AGBL1: variants seen among roughly 807,000 people sequenced by gnomAD.
The protein encoded by AGBL1 is cytosolic carboxypeptidase 4.
Under a neutral mutation model 118.9 loss-of-function variants are expected in AGBL1, and 130 were observed. That is an observed-to-expected ratio of 1.09 (90% CI 0.95 to 1.26). AGBL1 has a LOEUF of 1.26. AGBL1 is among the 50% of genes most tolerant of loss of function. The pLI, the probability that AGBL1 is intolerant of heterozygous loss-of-function variation, is 0.00. For synonymous variants in AGBL1, 555 were observed against 478.9 expected (o/e 1.16, Z -2.08); for missense variants, 1,584 against 1,298.1 (o/e 1.22, Z -3.38).
intron 17 of AGBL1, among the ~76,000 whole-genome samples, chr15:86,337,961 T>C (rs1192838521): frequency 1.3e-5 from 2 of 152,212 alleles, no homozygotes; most frequent in South Asian, 2.1e-4. Flanking sequence ...GTCTGGTATA[T>C]GCCAGACACT....
intron 22 of AGBL1, among the ~76,000 whole-genome samples, chr15:86,702,818 C>CT (rs954321597): frequency 4.0e-5 from 6 of 150,674 alleles, no homozygotes; most frequent in South Asian, 2.1e-4. Context: ...CTTAGCTTCC[C>CT]TTTTTTTTTC....
At chr15:86,845,791 T>C (rs1294906450) in intron 22 of AGBL1, among the ~76,000 whole-genome samples, 8 of 152,232 alleles carry the variant, frequency 5.3e-5, no homozygotes, top group Admixed American at 5.2e-4. Context: ...TCTTCATGAA[T>C]CCATTTTGGT....
intron 7 of AGBL1, among the ~76,000 whole-genome samples, chr15:86,255,019 C>G (rs1056591721): frequency 6.6e-6 from 1 of 152,138 alleles, no homozygotes. Flanking sequence ...TTGAACTTGC[C>G]TTCATCCTTT....
intron 22 of AGBL1, among the ~76,000 whole-genome samples, chr15:86,692,863 G>A (rs573945795): frequency 2.6e-5 from 4 of 152,154 alleles, no homozygotes; most frequent in South Asian, 2.1e-4. Context: ...ACAATGTTTG[G>A]TTTTCCATTC....
chr15:86,158,844 C>T (rs1312653487), intron 4 of AGBL1, 89 bp from the exon 5 acceptor site: 11 of 1,143,894 alleles, frequency 9.6e-6, no homozygotes, highest in East Asian at 4.9e-5. Flanking sequence ...CAAGTTGCCC[C>T]TTAAAGATTT....
intron 17 of AGBL1, among the ~76,000 whole-genome samples, chr15:86,330,249 T>C (rs1293725707): frequency 2.0e-5 from 3 of 152,216 alleles, no homozygotes; most frequent in Non-Finnish European, 2.9e-5. Context: ...CCCAGCTGCA[T>C]TGGCCACAGC....
intron 21 of AGBL1, among the ~76,000 whole-genome samples, chr15:86,605,105 T>C (rs1317113481): frequency 6.6e-6 from 1 of 152,146 alleles, no homozygotes; most frequent in Admixed American, 6.6e-5. Flanking sequence ...CACCTTTCTT[T>C]CATATGTGGT....
intron 22 of AGBL1, among the ~76,000 whole-genome samples, chr15:86,834,544 T>G (rs1382413789): frequency 1.3e-5 from 2 of 152,210 alleles, no homozygotes; most frequent in Non-Finnish European, 2.9e-5. Context: ...ACCTCTGTAT[T>G]GTGAGAGGCT....
intron 22 of AGBL1, among the ~76,000 whole-genome samples, chr15:86,829,346 G>C (rs915815705): frequency 1.3e-5 from 2 of 152,172 alleles, no homozygotes; most frequent in Non-Finnish European, 2.9e-5. Context: ...CTGATAAAGA[G>C]AAGCCTCTGC....
intron 5 of AGBL1, among the ~76,000 whole-genome samples, chr15:86,209,793 T>TG (rs1177531234): frequency 6.6e-6 from 1 of 152,202 alleles, no homozygotes; most frequent in Non-Finnish European, 1.5e-5. Context: ...GTCTTTTAAT[T>TG]GGGGCATTTA....
intron 1 of AGBL1, among the ~76,000 whole-genome samples, chr15:86,121,724 C>A (rs868835890): frequency 6.6e-6 from 1 of 152,152 alleles, no homozygotes. Flanking sequence ...CATTCTGTAG[C>A]CCTGTCTCAA....
At chr15:86,238,498 A>G (rs1360113083) in intron 6 of AGBL1, among the ~76,000 whole-genome samples, 1 of 152,228 alleles carries the variant, frequency 6.6e-6, no homozygotes, top group African/African-American at 2.4e-5. Flanking sequence ...AAACCTCCCA[A>G]GAGTCTACCA....
intron 5 of AGBL1, among the ~76,000 whole-genome samples, chr15:86,171,288 A>T (rs1408519461): frequency 6.6e-6 from 1 of 152,242 alleles, no homozygotes; most frequent in Non-Finnish European, 1.5e-5. Context: ...CTAAGTATTT[A>T]AATAAAGGTA....
chr15:86,815,117 G>A (rs925066797), intron 22 of AGBL1, among the ~76,000 whole-genome samples: 3 of 152,018 alleles, frequency 2.0e-5, no homozygotes, highest in East Asian at 1.9e-4. Flanking sequence ...CTGTAAATAA[G>A]TGACATTTAT....
At chr15:86,616,230 A>G (rs1214228981) in intron 21 of AGBL1, among the ~76,000 whole-genome samples, 5 of 151,806 alleles carry the variant, frequency 3.3e-5, no homozygotes, top group South Asian at 4.2e-4. Context: ...TCAGCTACTC[A>G]GGAGGCTGAG....
chr15:86,768,521 T>C (rs2078128094), intron 22 of AGBL1, among the ~76,000 whole-genome samples: 1 of 152,026 alleles, frequency 6.6e-6, no homozygotes, highest in East Asian at 1.9e-4. Flanking sequence ...TAAGGGTCTT[T>C]GTGCTTGCTT....
chr15:86,797,259 G>C (rs1206254698), intron 22 of AGBL1, among the ~76,000 whole-genome samples: 2 of 152,204 alleles, frequency 1.3e-5, no homozygotes, highest in African/African-American at 4.8e-5. Flanking sequence ...CTGACATTTT[G>C]TGGGTATGCA....
chr15:86,191,348 C>CAAAAAAAAAAAAAAAAAAAAAAAAAAA (rs869108108), intron 5 of AGBL1, among the ~76,000 whole-genome samples: 1 of 65,118 alleles, frequency 1.5e-5, no homozygotes, highest in Non-Finnish European at 2.5e-5. Flanking sequence ...AACTTTGTCT[C>CAAAAAAAAAAAAAAAAAAAAAAAAAAA]AAAAAAAAAA....
intron 21 of AGBL1, among the ~76,000 whole-genome samples, chr15:86,569,633 T>C (rs1460821703): frequency 6.6e-6 from 1 of 152,198 alleles, no homozygotes; most frequent in East Asian, 1.9e-4. Context: ...AATTATGTAG[T>C]AAAATATTGT....
Sources: allele counts gnomAD v4.1 joint callset (sites outside exome capture counted in the v4.1 genomes callset), GRCh38; gene constraint gnomAD v4.1.1; transcripts MANE v1.5; gene names NCBI Gene and HGNC (gene_info 2026-07-23, HGNC 2026-07-21).